The following PNPLA3 variants were observed in gnomAD, a reference collection of about 807,000 sequenced individuals.
PNPLA3 encodes patatin like domain 3, 1-acylglycerol-3-phosphate O-acyltransferase, also known as 1-acylglycerol-3-phosphate O-acyltransferase PNPLA3.
In PNPLA3, 42 loss-of-function variants were observed where a neutral mutation model predicts 43.1. The ratio of observed to expected loss-of-function variants is 0.97; its 90% CI spans 0.76 to 1.26. The LOEUF is 1.26. Among genes scored for constraint, PNPLA3 ranks in the 50% most tolerant of loss-of-function variants. The probability of loss-of-function intolerance (pLI) is 0.00; values close to 1 mark genes in which losing one functional copy is unlikely to be tolerated. For missense variants in PNPLA3, 647 were observed against 621.4 expected (o/e 1.04, Z -0.44); for synonymous variants, 272 against 253.6 (o/e 1.07, Z -0.69).
rs2050065376 is a variant in PNPLA3, at chr22:43,946,642, C to T, written c.*260C>T. ...ACCAGGAAGCCCAGTGCAGAGGGTCCCTTACTGACTGTTTCGTGGCCCTAT... is the reference window on the plus strand; with the variant it reads ...ACCAGGAAGCCCAGTGCAGAGGGTCTCTTACTGACTGTTTCGTGGCCCTAT... On this transcript the variant is annotated 3_prime_UTR_variant, in exon 9 of 9. Coordinates refer to ENST00000216180, the MANE Select transcript of PNPLA3 (RefSeq NM_025225.3). The T allele has an allele frequency of 1.5e-6, 1 of 687,760 alleles. No homozygotes were observed. Among genetic ancestry groups the T allele is most frequent in the Admixed American group, 1.8e-5 (1 of 55,998 alleles). The allele number at this position is 687,760 out of a possible 1,614,324, so 42.6% of individuals were successfully genotyped here.
rs372552045 is a variant in PNPLA3 at position 43,937,255 on chromosome 22, C to T, written c.962C>T (p.Ser321Leu). 2.1e-5 allele frequency: 34 copies of T among 1,613,742 alleles called. No individual in the cohort carries two copies. The highest frequency in any genetic ancestry group is 3.3e-4 in the Middle Eastern group (2 of 6,072). Residue 321 changes from serine to leucine, a missense_variant, in exon 6 of 9, where the codon TCG (serine) becomes TTG (leucine). Physicochemically the swap from Ser to Leu is moderately radical, Grantham distance 145. Coordinates refer to ENST00000216180, the MANE Select transcript of PNPLA3 (RefSeq NM_025225.3). Reference protein sequence around the residue: ...PWDESILDTLSPRLATALSEE... With the variant: ...PWDESILDTLLPRLATALSEE... ...GATGAGAGCATCCTGGACACCCTCTCGCCCAGGCTCGCTACAGGTACCCAC... is the reference window on the plus strand; with the variant it reads ...GATGAGAGCATCCTGGACACCCTCTTGCCCAGGCTCGCTACAGGTACCCAC...
chr22:43,939,874 C>T (rs1240269715), intron 6 of PNPLA3, 119 bp from the exon 7 acceptor site: 2 of 1,438,616 alleles, frequency 1.4e-6, no homozygotes, highest in African/African-American at 1.4e-5. Flanking sequence ...TTGTGAGTGC[C>T]TCTGACCCTT....
At chr22:43,927,253 C>A in intron 2 of PNPLA3, 86 bp downstream of exon 2, 1 of 1,266,392 alleles carries the variant, frequency 7.9e-7, no homozygotes, top group East Asian at 2.4e-5. Flanking sequence ...CATCCCGGCA[C>A]TTTGGGAGGC....
intron 2 of PNPLA3, among the ~76,000 whole-genome samples, chr22:43,927,583 C>G (rs962696226): frequency 6.7e-6 from 1 of 149,742 alleles, no homozygotes; most frequent in East Asian, 2.0e-4. Flanking sequence ...CTGTACACCT[C>G]CAGTGATTTG....
At chr22:43,928,275 T>C (rs1160593335) in intron 2 of PNPLA3, among the ~76,000 whole-genome samples, 1 of 152,204 alleles carries the variant, frequency 6.6e-6, no homozygotes, top group Non-Finnish European at 1.5e-5. Context: ...ATGGGTCCGT[T>C]CTCCCAGTGA....
intron 3 of PNPLA3, among the ~76,000 whole-genome samples, chr22:43,932,404 A>C (rs2049967248): frequency 6.6e-6 from 1 of 152,196 alleles, no homozygotes; most frequent in South Asian, 2.1e-4. Flanking sequence ...GTCTTATCCC[A>C]GATTTCTGTA....
At chr22:43,933,347 TA>T (rs1201976325) in intron 4 of PNPLA3, among the ~76,000 whole-genome samples, 1 of 152,078 alleles carries the variant, frequency 6.6e-6, no homozygotes, top group African/African-American at 2.4e-5. Flanking sequence ...GGGGGTGCAG[TA>T]TGGGTATTAG....
Position 43,926,969 on chromosome 22 carries a change from G to A in PNPLA3, c.222G>A (p.Arg74=). 6.2e-7 allele frequency: 1 copy of A among 1,614,220 alleles called. No homozygotes were observed. Among genetic ancestry groups the A allele is most frequent in the Non-Finnish European group, 8.5e-7 (1 of 1,180,052 alleles). The change falls in exon 2 of 9, where the codon CGG becomes CGA. Residue 74 remains arginine (R), a synonymous_variant. Coordinates refer to ENST00000216180, the MANE Select transcript of PNPLA3 (RefSeq NM_025225.3). ...TGCAGGTCCTCTCAGATCTTGTGCGGAAGGCCAGGAGTCGGAACATTGGCA... is the reference window on the plus strand; with the variant it reads ...TGCAGGTCCTCTCAGATCTTGTGCGAAAGGCCAGGAGTCGGAACATTGGCA... ...QTLQVLSDLV[R]KARSRNIGIF...
At chr22:43,929,853 T>C (rs1322347419) in intron 3 of PNPLA3, among the ~76,000 whole-genome samples, 1 of 152,140 alleles carries the variant, frequency 6.6e-6, no homozygotes, top group African/African-American at 2.4e-5. Context: ...CGCCTTGGCC[T>C]CCCAAAGTGC....
At chr22:43,945,012 A>G (rs1018346128) in intron 8 of PNPLA3, among the ~76,000 whole-genome samples, 1 of 152,176 alleles carries the variant, frequency 6.6e-6, no homozygotes, top group African/African-American at 2.4e-5. Context: ...GGAGCCTGGG[A>G]AGACTTCCCG....
chr22:43,944,207 G>A lies in PNPLA3; in HGVS notation c.1113-484G>A, dbSNP rs1033422448. ...TCCTCCTCCCCACCCCACCACTGCC[G>A]GGGGGATGTCTGTGGTCAGGCATTT... is the stretch of plus-strand genomic sequence containing the variant. On this transcript the variant is annotated intron_variant, in intron 7 of 8. Coordinates refer to ENST00000216180, the MANE Select transcript of PNPLA3 (RefSeq NM_025225.3). 9.2e-5 allele frequency among the ~76,000 whole-genome samples: 14 copies of A among 152,204 alleles called. 1 individual carries two copies. The highest frequency in any genetic ancestry group is 6.8e-3 in the Middle Eastern group (2 of 294).
In PNPLA3 at chr22:43,937,195, T is replaced by G; in HGVS notation, c.902T>G (p.Leu301Arg). The change falls in exon 6 of 9, where the codon CTG becomes CGG. Residue 301 changes from leucine (L) to arginine (R), a missense_variant. Physicochemically the swap from Leu to Arg is moderately radical, Grantham distance 102. Coordinates refer to ENST00000216180, the MANE Select transcript of PNPLA3 (RefSeq NM_025225.3). ...GCTGTGAGGCTGGAGGGAGATGAGC[T>G]GCTAGACCACCTGCGTCTCAGCATC... ...ALAVRLEGDELLDHLRLSILP... is the reference protein window; with the variant it reads ...ALAVRLEGDERLDHLRLSILP... 6.2e-7 allele frequency: 1 copy of G among 1,614,172 alleles called. No homozygotes were observed. The highest frequency in any genetic ancestry group is 8.5e-7 in the Non-Finnish European group (1 of 1,180,024).
chr22:43,944,481 A>G (rs1329799605), intron 7 of PNPLA3, among the ~76,000 whole-genome samples: 1 of 151,994 alleles, frequency 6.6e-6, no homozygotes, highest in Non-Finnish European at 1.5e-5. Flanking sequence ...ATTTCAGTGT[A>G]AGTCCCTTGA....
intron 7 of PNPLA3, 104 bp downstream of exon 7, chr22:43,940,229 G>C: frequency 7.4e-7 from 1 of 1,347,772 alleles, no homozygotes; most frequent in East Asian, 2.5e-5. Context: ...GGATTGTCGT[G>C]CCACAGATCA....
intron 6 of PNPLA3, chr22:43,939,446 T>G: frequency 1.1e-6 from 1 of 946,542 alleles, no homozygotes; most frequent in Non-Finnish European, 1.3e-6. Context: ...GTGGGGACCC[T>G]ATGCTCCGTA....
chr22:43,928,323 G>A (rs2049938642), intron 2 of PNPLA3, among the ~76,000 whole-genome samples: 1 of 152,220 alleles, frequency 6.6e-6, no homozygotes, highest in African/African-American at 2.4e-5. Context: ...GTAGCACAGT[G>A]CTTCGCAAAG....
At chr22:43,936,575 C>T (rs916030996) in intron 5 of PNPLA3, among the ~76,000 whole-genome samples, 1 of 152,226 alleles carries the variant, frequency 6.6e-6, no homozygotes, top group Non-Finnish European at 1.5e-5. Context: ...CCCTCTTCGA[C>T]ATCAGACCCA....
chr22:43,946,125 T>C, intron 8 of PNPLA3, 29 bp from the exon 9 acceptor site: 2 of 1,606,874 alleles, frequency 1.2e-6, no homozygotes, highest in Middle Eastern at 1.7e-4. Context: ...GGGAACGGCC[T>C]CTAAGCCAAC....
In PNPLA3 at chr22:43,946,877, A is replaced by C; in HGVS notation, c.*495A>C. 1 of 359,002 alleles carries C rather than the reference A, an allele frequency of 2.8e-6. No homozygotes were observed. The highest frequency in any genetic ancestry group is 4.0e-5 in the Admixed American group (1 of 25,096). The allele number at this position is 359,002 out of a possible 1,614,324, so 22.2% of individuals were successfully genotyped here. ...TGTCAGGTGGTCTGCAAAGATGATA[A>C]CCTTGACTACTAAAAACGTCTCCAT... On this transcript the variant is annotated 3_prime_UTR_variant, in exon 9 of 9. Transcript: ENST00000216180.
Sources: allele counts gnomAD v4.1 joint callset (sites outside exome capture counted in the v4.1 genomes callset), GRCh38; gene constraint gnomAD v4.1.1; transcripts MANE v1.5; gene names NCBI Gene and HGNC (gene_info 2026-07-23, HGNC 2026-07-21).